The following C10orf90 variants were observed in gnomAD, a reference collection of about 807,000 sequenced individuals.
C10orf90 encodes the protein chromosome 10 open reading frame 90.
A neutral mutation model predicts 62.5 loss-of-function variants in C10orf90; 56 were observed. The ratio of observed to expected loss-of-function variants is 0.90; its 90% CI spans 0.72 to 1.12. The LOEUF (loss-of-function observed/expected upper bound fraction) is 1.12. C10orf90 is among the 50% of genes most tolerant of loss of function. The pLI is 0.00. For missense variants in C10orf90, 970 were observed against 880.4 expected (o/e 1.10, Z -1.29); for synonymous variants, 386 against 340.4 (o/e 1.13, Z -1.47).
chr10:126,628,504 G>A (rs1021176367), intron 2 of C10orf90, among the ~76,000 whole-genome samples: 4 of 152,064 alleles, frequency 2.6e-5, no homozygotes, highest in Admixed American at 2.0e-4. Flanking sequence ...AGAATTCCAG[G>A]ACTCACCATC....
intron 2 of C10orf90, among the ~76,000 whole-genome samples, chr10:126,629,196 A>G (rs980621144): frequency 1.3e-5 from 2 of 152,230 alleles, no homozygotes; most frequent in African/African-American, 4.8e-5. Flanking sequence ...TTCATTTACC[A>G]TCACTGACCT....
intron 2 of C10orf90, among the ~76,000 whole-genome samples, chr10:126,622,642 ACT>A (rs896396601): frequency 2.0e-5 from 3 of 151,578 alleles, no homozygotes; most frequent in Non-Finnish European, 4.4e-5. Flanking sequence ...CCTTTATGAA[ACT>A]CTTCCCAATG....
At chr10:126,516,806 C>T (rs1421220040) in intron 2 of C10orf90, among the ~76,000 whole-genome samples, 1 of 152,184 alleles carries the variant, frequency 6.6e-6, no homozygotes, top group Non-Finnish European at 1.5e-5. Context: ...AAGGTGGTGG[C>T]AGGGCTGGGT....
intron 2 of C10orf90, chr10:126,521,219 G>T: frequency 1.3e-6 from 2 of 1,512,672 alleles, no homozygotes; most frequent in Non-Finnish European, 1.8e-6. Context: ...GGGCCCAGAA[G>T]ATACTCAGCG....
chr10:126,629,838 C>A (rs1465133346), intron 2 of C10orf90, among the ~76,000 whole-genome samples: 1 of 150,928 alleles, frequency 6.6e-6, no homozygotes, highest in Non-Finnish European at 1.5e-5. Context: ...ACAGGCCAGG[C>A]AGAGCAGGAT....
At chr10:126,586,271 G>A (rs1844868005) in intron 2 of C10orf90, among the ~76,000 whole-genome samples, 1 of 152,218 alleles carries the variant, frequency 6.6e-6, no homozygotes, top group Non-Finnish European at 1.5e-5. Context: ...AGAGATATGA[G>A]GACGCTGTCT....
At chr10:126,609,966 T>C (rs1462259801) in intron 2 of C10orf90, among the ~76,000 whole-genome samples, 1 of 152,200 alleles carries the variant, frequency 6.6e-6, no homozygotes, top group African/African-American at 2.4e-5. Flanking sequence ...ATTGGACCTG[T>C]ACCTGGAGCC....
chr10:126,638,067 C>T (rs1389352255), intron 2 of C10orf90, among the ~76,000 whole-genome samples: 1 of 152,160 alleles, frequency 6.6e-6, no homozygotes, highest in Non-Finnish European at 1.5e-5. Context: ...GCGTGGCTGA[C>T]AACAGCGGTG....
rs1051138250 is a variant in C10orf90, at chr10:126,670,039, T to G, written c.240+202A>C. Among the ~76,000 whole-genome samples, 2 of 152,234 alleles carry G rather than the reference T, an allele frequency of 1.3e-5. 1 individual carries two copies. Among genetic ancestry groups the G allele is most frequent in the South Asian group, 4.1e-4 (2 of 4,832 alleles). On this transcript the variant is annotated intron_variant, in intron 1 of 9. Coordinates refer to ENST00000488181, the MANE Select transcript of C10orf90 (RefSeq NM_001350921.2). The stretch of plus-strand genomic sequence containing the variant: ...CATCGTAAATTAACTTCATCCGATA[T>G]ACTTTCCCCCTCCCCCATATTTCAA...
At chr10:126,590,073 C>T (rs1844949342) in intron 2 of C10orf90, among the ~76,000 whole-genome samples, 1 of 151,938 alleles carries the variant, frequency 6.6e-6, no homozygotes, top group South Asian at 2.1e-4. Context: ...GACTTCAAAT[C>T]AACAAAGATC....
intron 1 of C10orf90, among the ~76,000 whole-genome samples, chr10:126,652,010 G>A (rs766037859): frequency 2.6e-5 from 4 of 152,192 alleles, no homozygotes; most frequent in Admixed American, 6.5e-5. Flanking sequence ...GGGATGGTAT[G>A]ATAGGTACTC....
At chr10:126,583,808 A>C (rs1038310072) in intron 2 of C10orf90, among the ~76,000 whole-genome samples, 2 of 152,194 alleles carry the variant, frequency 1.3e-5, no homozygotes, top group African/African-American at 4.8e-5. Context: ...AATGATAAAC[A>C]AAACTGGATA....
At chr10:126,576,700 T>TACATATAC (rs1401481284) in intron 2 of C10orf90, among the ~76,000 whole-genome samples, 748 of 35,430 alleles carry the variant, frequency 0.021, 143 homozygotes, top group African/African-American at 0.089. Context: ...CATGTATATG[T>TACATATAC]ATATGTATAT....
chr10:126,650,407 G>C (rs1846267452), intron 1 of C10orf90, among the ~76,000 whole-genome samples: 1 of 152,200 alleles, frequency 6.6e-6, no homozygotes, highest in South Asian at 2.1e-4. Context: ...TGTCACGTGA[G>C]GAGCTATCAT....
intron 2 of C10orf90, among the ~76,000 whole-genome samples, chr10:126,571,023 A>G (rs987931544): frequency 1.3e-5 from 2 of 152,198 alleles, no homozygotes; most frequent in African/African-American, 4.8e-5. Flanking sequence ...CTCAGCCCAC[A>G]GCTTTATCTA....
intron 8 of C10orf90, among the ~76,000 whole-genome samples, chr10:126,428,499 C>G (rs931212780): frequency 1.3e-5 from 2 of 152,086 alleles, no homozygotes; most frequent in African/African-American, 4.8e-5. Context: ...GAGTGCAAAC[C>G]CAGCTGCTAA....
intron 2 of C10orf90, among the ~76,000 whole-genome samples, chr10:126,635,314 C>A (rs1177161059): frequency 6.6e-6 from 1 of 152,164 alleles, no homozygotes; most frequent in Non-Finnish European, 1.5e-5. Flanking sequence ...CCAGTTAAAA[C>A]CCAGAGCACA....
At chr10:126,465,440 C>A (rs902428506) in intron 4 of C10orf90, among the ~76,000 whole-genome samples, 4 of 142,228 alleles carry the variant, frequency 2.8e-5, no homozygotes, top group Non-Finnish European at 5.9e-5. Flanking sequence ...TTGTATATAA[C>A]AACATATCTA....
intron 3 of C10orf90, among the ~76,000 whole-genome samples, chr10:126,512,362 G>GTGTGTTC: frequency 9.4e-6 from 1 of 106,924 alleles, no homozygotes; most frequent in African/African-American, 3.6e-5. Flanking sequence ...GTGTGTGTGT[G>GTGTGTTC]TATGTGTGTC....
Sources: allele counts gnomAD v4.1 joint callset (sites outside exome capture counted in the v4.1 genomes callset), GRCh38; gene constraint gnomAD v4.1.1; transcripts MANE v1.5; gene names NCBI Gene and HGNC (gene_info 2026-07-23, HGNC 2026-07-21).